GPR37: variants seen among roughly 807,000 people sequenced by gnomAD.
The protein encoded by GPR37 is prosaposin receptor GPR37.
Under a neutral mutation model 43.6 loss-of-function variants are expected in GPR37, and 20 were observed. That is an observed-to-expected ratio of 0.46 (90% CI 0.32 to 0.67). GPR37 has a LOEUF of 0.67. GPR37 is among the 30% of genes least tolerant of loss of function. The pLI is 0.03. For missense variants in GPR37, 724 were observed against 797.2 expected (o/e 0.91, Z 1.11); for synonymous variants, 315 against 322.6 (o/e 0.98, Z 0.25).
intron 1 of GPR37, among the ~76,000 whole-genome samples, chr7:124,749,883 T>C (rs1793712979): frequency 6.6e-6 from 1 of 152,162 alleles, no homozygotes; most frequent in South Asian, 2.1e-4. Flanking sequence ...AACATTGGCA[T>C]ATGAAACATC....
intron 1 of GPR37, among the ~76,000 whole-genome samples, chr7:124,748,153 A>G (rs1226635066): frequency 6.6e-6 from 1 of 152,052 alleles, no homozygotes; most frequent in Non-Finnish European, 1.5e-5. Context: ...ACTCCCTGTG[A>G]ATTTGGAACT....
intron 1 of GPR37, among the ~76,000 whole-genome samples, chr7:124,757,337 T>C (rs754934295): frequency 2.6e-5 from 4 of 152,214 alleles, no homozygotes; most frequent in Non-Finnish European, 5.9e-5. Flanking sequence ...AAGGACTAAT[T>C]GTAAAGCAGA....
In GPR37 at chr7:124,746,431, T is replaced by C. The variant is rs897617485; in HGVS notation, c.*94A>G. On this transcript the variant is annotated 3_prime_UTR_variant, in exon 2 of 2. Coordinates refer to ENST00000303921, the MANE Select transcript of GPR37 (RefSeq NM_005302.5). The stretch of plus-strand genomic sequence containing the variant: ...TATTTCTTTCTTTATTGTTTCTTTT[T>C]TGCATTTTTCCCTATAAGGAAAAAT... 8 of 890,360 alleles carry C rather than the reference T, an allele frequency of 9.0e-6. No individual in the cohort carries two copies. In the African/African-American group the frequency reaches 1.3e-4, roughly 15 times the overall value. 55.2% of individuals were successfully genotyped at this position (890,360 alleles called of 1,614,324 possible).
rs1793883894 is a variant in GPR37 at position 124,764,179 on chromosome 7, A to G, written c.798T>C (p.Cys266=). The G allele has an allele frequency of 2.5e-6, 4 of 1,596,982 alleles. No individual in the cohort carries two copies. The highest frequency in any genetic ancestry group is 1.7e-6 in the Non-Finnish European group (2 of 1,171,002). ...CGGTCCCGAAGATCACCACGGACAGACACATGACCGCGTAGGCTCCATAGG... is the reference window on the plus strand; with the variant it reads ...CGGTCCCGAAGATCACCACGGACAGGCACATGACCGCGTAGGCTCCATAGG... ...QESYGAYAVM[C]LSVVIFGTGI... The change falls in exon 1 of 2, where the codon TGT becomes TGC. Residue 266 remains cysteine (C), a synonymous_variant. Transcript: ENST00000303921. This position sits in a 1 kb window ranked among gnomAD's most constrained non-coding sequence, Gnocchi z 5.4.
At position 124,764,418 on chromosome 7, in the gene GPR37, C is replaced by T. The variant is rs768948909; in HGVS notation, c.559G>A (p.Gly187Arg). ...TTGTGGTGGGAACCCTGGAGTTTCC[C>T]GGCTCTCCTTGGCCAGTAAAAAAGA... is the stretch of plus-strand genomic sequence containing the variant. ...SDLFYWPRRA[G>R]KLQGSHHKPL... Residue 187 changes from glycine (G) to arginine (R), a missense_variant, in exon 1 of 2, where the codon GGG becomes AGG. Physicochemically the swap from Gly to Arg is moderately radical, Grantham distance 125. Coordinates refer to ENST00000303921, the MANE Select transcript of GPR37 (RefSeq NM_005302.5). The surrounding 1 kb of genome is among the most constrained non-coding windows in gnomAD (Gnocchi z 5.4). 5 of 1,613,602 alleles carry T rather than the reference C, an allele frequency of 3.1e-6. No individual in the cohort carries two copies. Among genetic ancestry groups the T allele is most frequent in the Non-Finnish European group, 2.5e-6 (3 of 1,180,024 alleles).
intron 1 of GPR37, among the ~76,000 whole-genome samples, chr7:124,761,154 CAAAAAAA>C: frequency 1.3e-5 from 1 of 77,456 alleles, no homozygotes; most frequent in South Asian, 5.4e-4. Context: ...GACTCCGTCT[CAAAAAAA>C]AAAAAAAAAA....
chr7:124,763,865 T>C, intron 1 of GPR37, 89 bp downstream of exon 1: 1 of 1,147,280 alleles, frequency 8.7e-7, no homozygotes, highest in Non-Finnish European at 1.3e-6. Context: ...GGCGTTCAGC[T>C]AGATAGGTGC....
chr7:124,765,508 G>T lies in GPR37; in HGVS notation c.-532C>A, dbSNP rs1793910428. ...GCAGTCACAACCCCGCTCCCAGCTC[G>T]CTGGAAACACGTTGCAAACAGTCCG... On this transcript the variant is annotated 5_prime_UTR_variant, in exon 1 of 2. Transcript: ENST00000303921. The T allele has an allele frequency of 6.5e-6, 1 of 152,824 alleles. No individual in the cohort carries two copies. The allele number at this position is 152,824 out of a possible 1,614,324, so 9.5% of individuals were successfully genotyped here.
rs1793769165 is a variant in GPR37, at chr7:124,754,417, GCC to G, written c.1024-7076_1024-7075del. ...TAAGACGTGAAGTAGACAACACAGA[GCC>G]CATAAAATACAAATCATAAAGTAAA... On this transcript the variant is annotated intron_variant, in intron 1 of 1. Transcript: ENST00000303921. Among the ~76,000 whole-genome samples, 3 of 152,170 alleles carry G rather than the reference GCC, an allele frequency of 2.0e-5. No homozygotes were observed. The South Asian group carries it at 6.2e-4, about 32-fold the overall frequency.
At chr7:124,752,067 C>G (rs1002026539) in intron 1 of GPR37, among the ~76,000 whole-genome samples, 15 of 152,096 alleles carry the variant, frequency 9.9e-5, no homozygotes, top group Non-Finnish European at 1.9e-4. Context: ...ATCTTTCAAA[C>G]AACAATGTTC....
rs368308249 is a variant in GPR37 at position 124,746,589 on chromosome 7, A to G, written c.1778T>C (p.Leu593Pro). Residue 593 changes from leucine to proline, a missense_variant, in exon 2 of 2, where the codon CTC becomes CCC. Physicochemically the swap from Leu to Pro is moderately conservative, Grantham distance 98. Coordinates refer to ENST00000303921, the MANE Select transcript of GPR37 (RefSeq NM_005302.5). ...ACGGCGTATGGTACTGAAAGGCGAGAGTTCGAGTTCCGTGGTGTACTCGTT... is the reference window on the plus strand; with the variant it reads ...ACGGCGTATGGTACTGAAAGGCGAGGGTTCGAGTTCCGTGGTGTACTCGTT... ...NDNEYTTELE[L>P]SPFSTIRREM... 3.3e-5 allele frequency: 53 copies of G among 1,613,764 alleles called. No homozygotes were observed. Among genetic ancestry groups the G allele is most frequent in the Non-Finnish European group, 4.3e-5 (51 of 1,179,830 alleles).
chr7:124,747,389 G>A (rs1157603662), intron 1 of GPR37, 46 bp from the exon 2 acceptor site: 1 of 1,259,044 alleles, frequency 7.9e-7, no homozygotes, highest in South Asian at 1.4e-5. Context: ...TCCCCCGAAA[G>A]ATCAAAGCAC....
intron 1 of GPR37, among the ~76,000 whole-genome samples, chr7:124,754,153 T>C (rs1001821128): frequency 6.6e-6 from 1 of 152,180 alleles, no homozygotes; most frequent in Non-Finnish European, 1.5e-5. Flanking sequence ...AAGATATAAC[T>C]AGATTTCATT....
Position 124,764,917 on chromosome 7 carries a change from G to T in GPR37, c.60C>A (p.Leu20=). The change falls in exon 1 of 2, where the codon CTC becomes CTA. Residue 20 remains leucine (L), a synonymous_variant. Transcript: ENST00000303921. This position sits in a 1 kb window ranked among gnomAD's most constrained non-coding sequence, Gnocchi z 5.4. ...CGAGGGCAGAAGAGGCAGACACCTT[G>T]AGCAGTAGCAGAAGCAGTAGCCGCG... is the stretch of plus-strand genomic sequence containing the variant. ...RMSRLLLLLL[L]KVSASSALGV... 6.3e-7 allele frequency: 1 copy of T among 1,576,026 alleles called. No homozygotes were observed. Among genetic ancestry groups the T allele is most frequent in the Non-Finnish European group, 8.6e-7 (1 of 1,163,174 alleles).
rs553476804 is a variant in GPR37 at position 124,754,020 on chromosome 7, G to A, written c.1024-6677C>T. Among the ~76,000 whole-genome samples, 143 of 151,922 alleles carry A rather than the reference G, an allele frequency of 9.4e-4. 2 individuals are homozygous for A. The highest frequency in any genetic ancestry group is 3.4e-3 in the Middle Eastern group (1 of 294). On this transcript the variant is annotated intron_variant, in intron 1 of 1. Transcript: ENST00000303921. ...TGATAAAGTAAGAAAAAAATGTATC[G>A]CTCTTTCCAGTAATTTCAAGTCCCA... is the stretch of plus-strand genomic sequence containing the variant.
intron 1 of GPR37, among the ~76,000 whole-genome samples, chr7:124,760,594 TA>T (rs1209187079): frequency 6.6e-6 from 1 of 152,192 alleles, no homozygotes; most frequent in Non-Finnish European, 1.5e-5. Flanking sequence ...TACGGGTTTT[TA>T]TTTTTTCCTG....
At chr7:124,763,234 T>C (rs1793870279) in intron 1 of GPR37, among the ~76,000 whole-genome samples, 1 of 152,216 alleles carries the variant, frequency 6.6e-6, no homozygotes. Flanking sequence ...TTTGAGAATG[T>C]TAAACAAATT....
At chr7:124,758,041 G>A (rs1485648921) in intron 1 of GPR37, among the ~76,000 whole-genome samples, 2 of 152,126 alleles carry the variant, frequency 1.3e-5, no homozygotes, top group Admixed American at 6.5e-5. Context: ...TAGAAGGGAA[G>A]TTAAAAAATC....
At chr7:124,757,181 C>T (rs886439322) in intron 1 of GPR37, among the ~76,000 whole-genome samples, 3 of 152,128 alleles carry the variant, frequency 2.0e-5, no homozygotes, top group African/African-American at 2.4e-5. Flanking sequence ...TTAGGTTCTC[C>T]AAGGTCAAGT....
Sources: allele counts gnomAD v4.1 joint callset (sites outside exome capture counted in the v4.1 genomes callset), GRCh38; gene constraint gnomAD v4.1.1; non-coding constraint Gnocchi (gnomAD v3.1); transcripts MANE v1.5; gene names NCBI Gene and HGNC (gene_info 2026-07-23, HGNC 2026-07-21).